ZNF415: variants seen among roughly 807,000 people sequenced by gnomAD.
ZNF415 encodes zinc finger protein 415.
In ZNF415, 5 loss-of-function variants were observed where a neutral mutation model predicts 7.3. The observed-to-expected ratio is 0.69, with a 90% CI of 0.36 to 1.44. The LOEUF (loss-of-function observed/expected upper bound fraction) is 1.44. ZNF415 is among the 40% of genes most tolerant of loss of function. The pLI, the probability that ZNF415 is intolerant of heterozygous loss-of-function variation, is 0.04. For missense variants in ZNF415, 628 were observed against 664.8 expected, an observed-to-expected ratio of 0.94 and a Z score of 0.61; for synonymous variants, 207 against 226.3, an observed-to-expected ratio of 0.91 and a Z score of 0.77.
chr19:53,131,935 C>T (rs1255381281), intron 1 of ZNF415, among the ~76,000 whole-genome samples: 3 of 151,956 alleles, frequency 2.0e-5, no homozygotes, highest in Non-Finnish European at 4.4e-5. Flanking sequence ...CTCTTGCTGT[C>T]CCGGTACCAC....
chr19:53,130,707 T>C (rs1297751638), intron 1 of ZNF415, among the ~76,000 whole-genome samples: 1 of 152,086 alleles, frequency 6.6e-6, no homozygotes, highest in Non-Finnish European at 1.5e-5. Flanking sequence ...TCACCGGATC[T>C]CGGCTCTTGG....
At chr19:53,129,720 A>G in intron 1 of ZNF415, 1 of 398,186 alleles carries the variant, frequency 2.5e-6, no homozygotes, top group Non-Finnish European at 4.4e-6. Flanking sequence ...TGATGTCACG[A>G]CCTGGAAGGG....
intron 3 of ZNF415, among the ~76,000 whole-genome samples, chr19:53,112,684 G>A (rs1380748574): frequency 1.1e-4 from 17 of 152,204 alleles, no homozygotes; most frequent in Admixed American, 6.5e-5. Context: ...GGTATCATGT[G>A]AGGATAGGAG....
At position 53,109,200 on chromosome 19, in the gene ZNF415, C is replaced by T; in HGVS notation, c.845G>A (p.Ser282Asn). 6.2e-7 allele frequency: 1 copy of T among 1,614,092 alleles called. No homozygotes were observed. The highest frequency in any genetic ancestry group is 8.5e-7 in the Non-Finnish European group (1 of 1,179,972). The part of the protein sequence containing the change: ...YKCNECDRSF[S>N]RNSCLALHRR... Reference sequence around the variant, plus strand: ...ATGTAGTGCAAGGCATGAGTTGCGACTGAAACTTCTGTCACATTCATTACA... The same window carrying T: ...ATGTAGTGCAAGGCATGAGTTGCGATTGAAACTTCTGTCACATTCATTACA... The change falls in exon 4 of 4, where the codon AGT (serine) becomes AAT (asparagine). Residue 282 changes from serine to asparagine, a missense_variant. Ser to Asn is a conservative substitution (Grantham distance 46). Transcript: ENST00000243643.
At chr19:53,122,045 G>A (rs1384400830) in intron 2 of ZNF415, among the ~76,000 whole-genome samples, 2 of 151,690 alleles carry the variant, frequency 1.3e-5, no homozygotes, top group Non-Finnish European at 1.5e-5. Flanking sequence ...TCTGGAGTTC[G>A]AGACCAGCCT....
intron 1 of ZNF415, chr19:53,124,459 A>G (rs1250118537): frequency 6.6e-6 from 1 of 152,162 alleles, no homozygotes; most frequent in Non-Finnish European, 1.5e-5. Context: ...TAAGAGTCAG[A>G]ACTCACTCCC....
intron 1 of ZNF415, among the ~76,000 whole-genome samples, chr19:53,132,473 C>G (rs550823165): frequency 6.6e-6 from 1 of 152,214 alleles, no homozygotes; most frequent in South Asian, 2.1e-4. Context: ...TCTGCAGGAT[C>G]CCAGGACCAG....
In ZNF415 at chr19:53,108,858, G is replaced by C; in HGVS notation, c.1187C>G (p.Thr396Ser). Reference sequence around the variant, plus strand: ...TCTCCAATGCCTTGCAAGGCTTGAAGTCTGACTGAAGACTTTACCACATTC... The same window carrying C: ...TCTCCAATGCCTTGCAAGGCTTGAACTCTGACTGAAGACTTTACCACATTC... ...CNECGKVFSQ[T>S]SSLARHWRIH... The change falls in exon 4 of 4, where the codon ACT (threonine) becomes AGT (serine). Residue 396 changes from threonine to serine, a missense_variant. Coordinates refer to ENST00000243643, the MANE Select transcript of ZNF415 (RefSeq NM_018355.4). The C allele has an allele frequency of 2.5e-6, 4 of 1,613,736 alleles. No homozygotes were observed. Among genetic ancestry groups the C allele is most frequent in the Non-Finnish European group, 3.4e-6 (4 of 1,179,916 alleles).
chr19:53,120,145 AT>A (rs1181644647), intron 2 of ZNF415, among the ~76,000 whole-genome samples: 3 of 152,164 alleles, frequency 2.0e-5, no homozygotes, highest in Non-Finnish European at 4.4e-5. Context: ...ATACTAGCAA[AT>A]TGAATATTTT....
intron 1 of ZNF415, among the ~76,000 whole-genome samples, chr19:53,128,941 T>C (rs1360845085): frequency 7.3e-6 from 1 of 136,908 alleles, no homozygotes; most frequent in African/African-American, 2.6e-5. Context: ...CACAAAACAC[T>C]CAAAATAATC....
chr19:53,121,384 C>CAAA (rs773591699), intron 2 of ZNF415, among the ~76,000 whole-genome samples: 1 of 80,090 alleles, frequency 1.2e-5, no homozygotes, highest in Non-Finnish European at 2.7e-5. Flanking sequence ...GACTCCGTCT[C>CAAA]AAAAAAAAAA....
intron 1 of ZNF415, among the ~76,000 whole-genome samples, chr19:53,123,244 G>C (rs939242809): frequency 6.6e-6 from 1 of 152,082 alleles, no homozygotes; most frequent in Non-Finnish European, 1.5e-5. Context: ...ATGAAGCCAG[G>C]GGGTAGCTCT....
Position 53,108,918 on chromosome 19 carries a change from C to A in ZNF415, c.1127G>T (p.Arg376Ile), listed in dbSNP as rs771603936. 2 of 1,614,098 alleles carry A rather than the reference C, an allele frequency of 1.2e-6. No individual in the cohort carries two copies. Among genetic ancestry groups the A allele is most frequent in the Non-Finnish European group, 8.5e-7 (1 of 1,180,012 alleles). ...SQTSSLATHQ[R>I]IHTGEKPYKC... The stretch of plus-strand genomic sequence containing the variant: ...GTATGGTTTCTCCCCAGTGTGAATT[C>A]TCTGATGAGTTGCAAGGCTTGAAGT... Residue 376 changes from arginine (R) to isoleucine (I), a missense_variant, in exon 4 of 4, where the codon AGA becomes ATA. Physicochemically the swap from Arg to Ile is moderately conservative, Grantham distance 97. Coordinates refer to ENST00000243643, the MANE Select transcript of ZNF415 (RefSeq NM_018355.4).
chr19:53,125,728 G>A (rs115313618), intron 1 of ZNF415, among the ~76,000 whole-genome samples: 4,079 of 151,924 alleles, frequency 0.027, 208 homozygotes, highest in African/African-American at 0.093. Flanking sequence ...TCACGAGGTC[G>A]GGAGTTTGAG....
chr19:53,108,955 C>T lies in ZNF415; in HGVS notation c.1090G>A (p.Val364Met), dbSNP rs1333022058. ...KPYKCNECGK[V>M]FSQTSSLATH... ...GCAAGGCTTGAAGTCTGACTGAACA[C>T]CTTGCCACATTCATTGCATTTGTAA... Residue 364 changes from valine to methionine, a missense_variant, in exon 4 of 4, where the codon GTG (valine) becomes ATG (methionine). Val to Met is a conservative substitution (Grantham distance 21, BLOSUM62 1). Coordinates refer to ENST00000243643, the MANE Select transcript of ZNF415 (RefSeq NM_018355.4). The T allele has an allele frequency of 3.1e-6, 5 of 1,614,116 alleles. No homozygotes were observed. In the South Asian group the frequency reaches 3.3e-5, roughly 11 times the overall value.
At chr19:53,129,042 AT>A (rs896241779) in intron 1 of ZNF415, among the ~76,000 whole-genome samples, 1 of 144,394 alleles carries the variant, frequency 6.9e-6, no homozygotes, top group Non-Finnish European at 1.5e-5. Context: ...AGAATTTCAG[AT>A]GGGGGTGGGA....
chr19:53,113,566 A>G (rs11879860), intron 3 of ZNF415, among the ~76,000 whole-genome samples: 14,842 of 150,528 alleles, frequency 0.099, 985 homozygotes, highest in African/African-American at 0.16. Flanking sequence ...AAGCAAAAAA[A>G]GAACAAACGA....
intron 3 of ZNF415, among the ~76,000 whole-genome samples, chr19:53,112,574 G>A (rs966787119): frequency 3.9e-5 from 6 of 152,168 alleles, no homozygotes; most frequent in South Asian, 2.1e-4. Context: ...CTTGCATAGT[G>A]AGAGTAGTGT....
At chr19:53,127,904 A>G (rs967616809) in intron 1 of ZNF415, among the ~76,000 whole-genome samples, 7 of 151,714 alleles carry the variant, frequency 4.6e-5, no homozygotes, top group African/African-American at 1.7e-4. Context: ...AAGAAAAAGA[A>G]AAAGATACTA....
Sources: gnomAD v4.1 joint callset for allele counts (sites outside exome capture counted in the v4.1 genomes callset) on GRCh38, gnomAD v4.1.1 for gene constraint, MANE v1.5 for transcripts, NCBI Gene and HGNC (gene_info 2026-07-23, HGNC 2026-07-21) for gene names.